HHAT: variants seen among roughly 807,000 people sequenced by gnomAD.
HHAT encodes the protein protein-cysteine N-palmitoyltransferase HHAT.
HHAT carries 47 observed loss-of-function variants against 70.8 expected under a neutral mutation model. The ratio of observed to expected loss-of-function variants is 0.66; its 90% CI spans 0.53 to 0.85. The LOEUF is 0.85. Among genes scored for constraint, HHAT ranks in the 40% least tolerant of loss-of-function variants. HHAT has a pLI of 0.00. For synonymous variants in HHAT, 228 were observed against 247.6 expected, an observed-to-expected ratio of 0.92 and a Z score of 0.74; for missense variants, 609 against 604.8, an observed-to-expected ratio of 1.01 and a Z score of -0.07.
intron 9 of HHAT, among the ~76,000 whole-genome samples, chr1:210,562,342 T>C (rs1259533708): frequency 2.8e-5 from 4 of 141,256 alleles, no homozygotes; most frequent in Non-Finnish European, 6.0e-5. Flanking sequence ...ATCACACTCA[T>C]GAAGAAAAGA....
At chr1:210,561,764 CGT>C (rs1352159510) in intron 9 of HHAT, among the ~76,000 whole-genome samples, 2 of 152,184 alleles carry the variant, frequency 1.3e-5, no homozygotes, top group Non-Finnish European at 2.9e-5. Context: ...GTTGCCTCCA[CGT>C]ACTTATCATT....
At chr1:210,513,288 A>G (rs2094992940) in intron 9 of HHAT, 100 bp downstream of exon 9, 1 of 653,830 alleles carries the variant, frequency 1.5e-6, no homozygotes, top group African/African-American at 1.8e-5. Flanking sequence ...AAATAATGGC[A>G]CTTATATATA....
At chr1:210,617,424 G>T (rs1204201368) in intron 10 of HHAT, among the ~76,000 whole-genome samples, 1 of 152,232 alleles carries the variant, frequency 6.6e-6, no homozygotes. Context: ...TGACCAGTCA[G>T]TTGAAATTGA....
intron 9 of HHAT, among the ~76,000 whole-genome samples, chr1:210,557,599 A>G (rs1405847668): frequency 1.3e-5 from 2 of 152,210 alleles, no homozygotes; most frequent in Non-Finnish European, 2.9e-5. Flanking sequence ...CCTCAGAATC[A>G]TGGCGGGTGG....
intron 8 of HHAT, among the ~76,000 whole-genome samples, chr1:210,483,846 C>T (rs1036243413): frequency 6.6e-6 from 1 of 152,064 alleles, no homozygotes; most frequent in African/African-American, 2.4e-5. Context: ...AGTATAAATA[C>T]ATTTCTGTAC....
At chr1:210,546,157 T>G (rs1379091220) in intron 9 of HHAT, among the ~76,000 whole-genome samples, 1 of 152,228 alleles carries the variant, frequency 6.6e-6, no homozygotes, top group Non-Finnish European at 1.5e-5. Context: ...GCTAACATTC[T>G]TTCAGTGTCT....
intron 11 of HHAT, among the ~76,000 whole-genome samples, chr1:210,657,869 T>G (rs1418926397): frequency 1.3e-5 from 2 of 152,200 alleles, no homozygotes; most frequent in Non-Finnish European, 2.9e-5. Flanking sequence ...ATGCCTAGAC[T>G]GTGGGCACTT....
At chr1:210,533,714 C>A (rs2095339928) in intron 9 of HHAT, among the ~76,000 whole-genome samples, 1 of 152,176 alleles carries the variant, frequency 6.6e-6, no homozygotes. Context: ...AATTGGGGAT[C>A]TTTAAATGGG....
At chr1:210,449,747 C>T (rs1381563166) in intron 7 of HHAT, among the ~76,000 whole-genome samples, 1 of 152,200 alleles carries the variant, frequency 6.6e-6, no homozygotes, top group East Asian at 1.9e-4. Flanking sequence ...TATGTAAGTG[C>T]TGACCTTCCT....
intron 11 of HHAT, among the ~76,000 whole-genome samples, chr1:210,657,190 G>A (rs983039651): frequency 2.6e-5 from 4 of 152,218 alleles, no homozygotes; most frequent in Admixed American, 2.6e-4. Context: ...GCCACCTACT[G>A]CACCACAGGC....
intron 10 of HHAT, among the ~76,000 whole-genome samples, chr1:210,607,792 T>TA (rs1294976474): frequency 5.3e-5 from 8 of 151,662 alleles, no homozygotes; most frequent in South Asian, 4.2e-4. Context: ...CCATATGCCT[T>TA]AAAAAAAATA....
At chr1:210,421,090 C>T (rs915052675) in intron 7 of HHAT, among the ~76,000 whole-genome samples, 1 of 151,900 alleles carries the variant, frequency 6.6e-6, no homozygotes, top group Non-Finnish European at 1.5e-5. Context: ...TAATACAATC[C>T]CTATCAAAGT....
chr1:210,454,353 A>C (rs1339184631), intron 7 of HHAT, among the ~76,000 whole-genome samples: 1 of 152,170 alleles, frequency 6.6e-6, no homozygotes, highest in Non-Finnish European at 1.5e-5. Flanking sequence ...GGAGATTGAG[A>C]CCATCCTGGT....
At chr1:210,524,952 G>A (rs547707575) in intron 9 of HHAT, among the ~76,000 whole-genome samples, 1 of 152,178 alleles carries the variant, frequency 6.6e-6, no homozygotes, top group Non-Finnish European at 1.5e-5. Context: ...GTGAGGGTGG[G>A]TTGTGGCAGT....
chr1:210,396,427 A>T (rs1270927582), intron 4 of HHAT, among the ~76,000 whole-genome samples: 2 of 152,242 alleles, frequency 1.3e-5, no homozygotes, highest in Non-Finnish European at 2.9e-5. Context: ...CAGATAGAAC[A>T]TAGTAACAGC....
intron 4 of HHAT, among the ~76,000 whole-genome samples, chr1:210,392,725 C>A (rs1478958019): frequency 6.6e-6 from 1 of 152,180 alleles, no homozygotes; most frequent in Non-Finnish European, 1.5e-5. Flanking sequence ...CGTGAGCCAC[C>A]ATGCCCAGTC....
In HHAT at chr1:210,662,576, G is replaced by C. The variant is rs536451802; in HGVS notation, c.1391-11712G>C. Among the ~76,000 whole-genome samples, 192 of 152,330 alleles carry C rather than the reference G, an allele frequency of 1.3e-3. 1 individual carries two copies. The highest frequency in any genetic ancestry group is 4.0e-3 in the Admixed American group (61 of 15,308). ...GACTGTGCAGCCTCTGGCTCCAGGGGCCTGATTTGGGGTATAGCAACCACT... is the reference window on the plus strand; with the variant it reads ...GACTGTGCAGCCTCTGGCTCCAGGGCCCTGATTTGGGGTATAGCAACCACT... On this transcript the variant is annotated intron_variant, in intron 11 of 11. Transcript: ENST00000261458.
intron 11 of HHAT, among the ~76,000 whole-genome samples, chr1:210,656,932 G>A (rs1317846729): frequency 6.6e-6 from 1 of 152,196 alleles, no homozygotes; most frequent in Non-Finnish European, 1.5e-5. Context: ...CACCACTGTA[G>A]CATCTCTGAG....
At chr1:210,520,090 A>G (rs1427788315) in intron 9 of HHAT, among the ~76,000 whole-genome samples, 4 of 151,846 alleles carry the variant, frequency 2.6e-5, no homozygotes, top group African/African-American at 9.7e-5. Flanking sequence ...ATCTCAGCTC[A>G]CTGTAACCTC....
Sources: gnomAD v4.1 joint callset for allele counts (sites outside exome capture counted in the v4.1 genomes callset) on GRCh38, gnomAD v4.1.1 for gene constraint, MANE v1.5 for transcripts, NCBI Gene and HGNC (gene_info 2026-07-23, HGNC 2026-07-21) for gene names.